Variants in PTPRR observed in about 807,000 individuals in gnomAD.
PTPRR encodes protein tyrosine phosphatase receptor type R, also known as receptor-type tyrosine-protein phosphatase R.
In PTPRR, 38 loss-of-function variants were observed where a neutral mutation model predicts 77.2. The ratio of observed to expected loss-of-function variants is 0.49; its 90% CI spans 0.38 to 0.65. The LOEUF is 0.65. Among genes scored for constraint, PTPRR ranks in the 30% least tolerant of loss-of-function variants. The pLI is 0.00. For synonymous variants in PTPRR, 299 were observed against 283.1 expected, an observed-to-expected ratio of 1.06 and a Z score of -0.57; for missense variants, 744 against 799.2, an observed-to-expected ratio of 0.93 and a Z score of 0.83.
chr12:70,759,692 A>AAC (rs1555173429), intron 4 of PTPRR, among the ~76,000 whole-genome samples: 5 of 149,800 alleles, frequency 3.3e-5, no homozygotes, highest in Non-Finnish European at 7.4e-5. Flanking sequence ...AAAAAAAAAA[A>AAC]AAAAAAAAAA....
intron 1 of PTPRR, among the ~76,000 whole-genome samples, chr12:70,904,983 T>C (rs1253869306): frequency 1.3e-5 from 2 of 151,730 alleles, no homozygotes; most frequent in African/African-American, 4.8e-5. Flanking sequence ...GTAGAGATTT[T>C]GGCACATTTA....
At chr12:70,898,563 A>C (rs1183166392) in intron 1 of PTPRR, among the ~76,000 whole-genome samples, 4 of 149,080 alleles carry the variant, frequency 2.7e-5, no homozygotes, top group African/African-American at 9.7e-5. Context: ...ATATACACAC[A>C]TATATATGTA....
chr12:70,801,004 C>T (rs767287483), intron 2 of PTPRR, among the ~76,000 whole-genome samples: 18 of 151,896 alleles, frequency 1.2e-4, no homozygotes, highest in Non-Finnish European at 2.2e-4. Context: ...TATTCATTAA[C>T]ATGGAGAAGA....
At chr12:70,784,500 G>C (rs1288717569) in intron 2 of PTPRR, among the ~76,000 whole-genome samples, 2 of 152,176 alleles carry the variant, frequency 1.3e-5, no homozygotes, top group African/African-American at 4.8e-5. Context: ...GCTCCCCCTT[G>C]TCCGGAGCAC....
chr12:70,759,475 C>A (rs1050300776), intron 4 of PTPRR, among the ~76,000 whole-genome samples: 1 of 151,878 alleles, frequency 6.6e-6, no homozygotes. Context: ...GTAGACTGAT[C>A]TTAAGAAATG....
chr12:70,840,871 G>T (rs766372489), intron 2 of PTPRR, among the ~76,000 whole-genome samples: 1 of 151,830 alleles, frequency 6.6e-6, no homozygotes, highest in Non-Finnish European at 1.5e-5. Flanking sequence ...TCACAACAGG[G>T]GCCAGGTTCA....
intron 1 of PTPRR, among the ~76,000 whole-genome samples, chr12:70,914,474 G>A (rs1893745479): frequency 6.6e-6 from 1 of 152,162 alleles, no homozygotes. Context: ...ACATGATCAT[G>A]GAGAGTGGAG....
intron 1 of PTPRR, among the ~76,000 whole-genome samples, chr12:70,908,137 G>GA (rs550614270): frequency 2.6e-4 from 40 of 151,472 alleles, no homozygotes; most frequent in African/African-American, 7.5e-4. Flanking sequence ...TAAGACAAAG[G>GA]AAAAAAAAGT....
chr12:70,803,777 C>G (rs1013047088), intron 2 of PTPRR, among the ~76,000 whole-genome samples: 5 of 152,108 alleles, frequency 3.3e-5, no homozygotes, highest in African/African-American at 1.2e-4. Flanking sequence ...CCATTTGTAT[C>G]TATTTGATGA....
intron 2 of PTPRR, among the ~76,000 whole-genome samples, chr12:70,867,393 A>G (rs1470576670): frequency 6.6e-6 from 1 of 151,962 alleles, no homozygotes; most frequent in Non-Finnish European, 1.5e-5. Context: ...TTATACACCA[A>G]TAACAGACAG....
intron 2 of PTPRR, among the ~76,000 whole-genome samples, chr12:70,803,965 C>T (rs1488551028): frequency 2.0e-5 from 3 of 151,936 alleles, no homozygotes; most frequent in South Asian, 2.1e-4. Context: ...ATAAGAGGCA[C>T]ATAGGATGAA....
rs115521399 is a variant in PTPRR, at chr12:70,825,857, C to T, written c.358-61079G>A. Among the ~76,000 whole-genome samples, 1,186 of 152,312 alleles carry T rather than the reference C, an allele frequency of 7.8e-3. 11 individuals carry two copies. The highest frequency in any genetic ancestry group is 0.027 in the African/African-American group (1,139 of 41,564). On this transcript the variant is annotated intron_variant, in intron 2 of 13. Coordinates refer to ENST00000283228, the MANE Select transcript of PTPRR (RefSeq NM_002849.4). ...AGAAGCAATGGATATAAAATAACAA[C>T]GTAAGGCAAAGTGGCTCCCACGTTA...
At chr12:70,809,873 C>T (rs1253587153) in intron 2 of PTPRR, among the ~76,000 whole-genome samples, 1 of 152,116 alleles carries the variant, frequency 6.6e-6, no homozygotes, top group Non-Finnish European at 1.5e-5. Flanking sequence ...TTCTGTGAAA[C>T]ATTTCTTTTA....
chr12:70,656,878 CT>C, intron 12 of PTPRR, 61 bp from the exon 13 acceptor site: 1 of 1,149,064 alleles, frequency 8.7e-7, no homozygotes, highest in Non-Finnish European at 1.3e-6. Flanking sequence ...AAGAAACATT[CT>C]TTTACAAGGG....
chr12:70,748,460 G>A (rs76510158), intron 5 of PTPRR, among the ~76,000 whole-genome samples: 5,222 of 152,238 alleles, frequency 0.034, 316 homozygotes, highest in African/African-American at 0.12. Flanking sequence ...GCTTACCGTA[G>A]CAATGGCAAG....
chr12:70,768,854 T>C lies in PTPRR; in HGVS notation c.358-4076A>G, dbSNP rs569121258. On this transcript the variant is annotated intron_variant, in intron 2 of 13. Transcript: ENST00000283228. ...TCCCTGGGATGCAAGGCTGGTTCAA[T>C]ATATGCAAATCAATAAATGTAATCC... 4.0e-4 allele frequency among the ~76,000 whole-genome samples: 60 copies of C among 151,568 alleles called. No individual in the cohort carries two copies. In the East Asian group the frequency reaches 8.1e-3, roughly 21 times the overall value.
intron 2 of PTPRR, among the ~76,000 whole-genome samples, chr12:70,803,562 C>T (rs1891654792): frequency 2.0e-5 from 3 of 152,152 alleles, no homozygotes; most frequent in Non-Finnish European, 4.4e-5. Flanking sequence ...TGGATAGGTG[C>T]TCTGGTAGCT....
At chr12:70,908,003 C>T (rs1893647193) in intron 1 of PTPRR, among the ~76,000 whole-genome samples, 1 of 152,142 alleles carries the variant, frequency 6.6e-6, no homozygotes. Flanking sequence ...GAAACTAATT[C>T]TATACATCGT....
At chr12:70,743,852 G>T (rs918970111) in intron 6 of PTPRR, among the ~76,000 whole-genome samples, 41 of 152,252 alleles carry the variant, frequency 2.7e-4, no homozygotes, top group African/African-American at 8.2e-4. Flanking sequence ...ATGTCCAGCA[G>T]TGGTCTACAG....
Sources: allele counts gnomAD v4.1 joint callset (sites outside exome capture counted in the v4.1 genomes callset), GRCh38; gene constraint gnomAD v4.1.1; transcripts MANE v1.5; gene names NCBI Gene and HGNC (gene_info 2026-07-23, HGNC 2026-07-21).